EIF1AX: variants seen among roughly 807,000 people sequenced by gnomAD.
EIF1AX encodes eukaryotic translation initiation factor 1A X-linked.
Under a neutral mutation model 16.1 loss-of-function variants are expected in EIF1AX, and 1 was observed. That is an observed-to-expected ratio of 0.06 (90% CI 0.02 to 0.30). EIF1AX has a LOEUF of 0.30. Ranked by LOEUF, EIF1AX falls within the 10% of genes least tolerant of loss-of-function variation. The pLI is 1.00. For synonymous variants in EIF1AX, 32 were observed against 37.3 expected (o/e 0.86, Z 0.51); for missense variants, 11 against 109.1 (o/e 0.10, Z 4.00).
Position 20,138,627 on chromosome X carries a change from T to G in EIF1AX, c.17-5A>C. On this transcript the variant is annotated splice_polypyrimidine_tract_variant and splice_region_variant and intron_variant, in intron 1 of 6. Coordinates refer to ENST00000379607, the MANE Select transcript of EIF1AX (RefSeq NM_001412.4). ...GTCTGTTTTTACCTCCTTTACCTGA[T>G]GGTTTAAAAAAAAGAAAAGGAGGTA... 8.7e-7 allele frequency: 1 copy of G among 1,147,506 alleles called. No individual in the cohort carries two copies. Among genetic ancestry groups the G allele is most frequent in the Non-Finnish European group, 1.2e-6 (1 of 850,401 alleles). The allele number at this position is 1,147,506 out of a possible 1,213,427, so 94.6% of individuals were successfully genotyped here.
At chrX:20,141,346 G>A (rs1037692119) in intron 1 of EIF1AX, among the ~76,000 whole-genome samples, 1 of 111,851 alleles carries the variant, frequency 8.9e-6, no homozygotes, top group Non-Finnish European at 1.9e-5. Context: ...CCGAGCAGCG[G>A]TCAGTCTGGC....
chrX:20,128,207 C>A lies in EIF1AX; in HGVS notation c.*99G>T. ...CAAATCAGTCTGCTTTAACAAATTG[C>A]ATTCATGCTAATGAAATTTTAATCT... On this transcript the variant is annotated 3_prime_UTR_variant, in exon 7 of 7. Coordinates refer to ENST00000379607, the MANE Select transcript of EIF1AX (RefSeq NM_001412.4). 1 of 822,804 alleles carries A rather than the reference C, an allele frequency of 1.2e-6. No homozygotes were observed. The highest frequency in any genetic ancestry group is 1.7e-6 in the Non-Finnish European group (1 of 573,726). 67.8% of individuals were successfully genotyped at this position (822,804 alleles called of 1,213,427 possible). A position where few individuals can be genotyped will look rare whatever the true frequency, so the allele number is the denominator to read the frequency against.
rs1265044039 is a variant in EIF1AX at position 20,127,722 on chromosome X, A to G, written c.*584T>C. ...AGGTTCTGAAAACGGCATTTTGGAA[A>G]TCTTTTTTTTTTTTTTTATGTTTAC... On this transcript the variant is annotated 3_prime_UTR_variant, in exon 7 of 7. Coordinates refer to ENST00000379607, the MANE Select transcript of EIF1AX (RefSeq NM_001412.4). 1 of 156,168 alleles carries G rather than the reference A, an allele frequency of 6.4e-6. No homozygotes were observed. Among genetic ancestry groups the G allele is most frequent in the Non-Finnish European group, 1.3e-5 (1 of 79,563 alleles). 12.9% of individuals were successfully genotyped at this position (156,168 alleles called of 1,213,427 possible).
chrX:20,136,340 C>T (rs73447109), intron 2 of EIF1AX: 9,548 of 349,952 alleles, frequency 0.027, 198 homozygotes, highest in African/African-American at 0.1. Context: ...TCAGGTAGAC[C>T]GGAAAGCCTT....
intron 1 of EIF1AX, among the ~76,000 whole-genome samples, chrX:20,139,652 T>C (rs1195155650): frequency 9.0e-6 from 1 of 110,647 alleles, no homozygotes; most frequent in Non-Finnish European, 1.9e-5. Flanking sequence ...CCTAAGAGAC[T>C]CATGGGAAGA....
At chrX:20,141,356 C>A (rs2067033517) in intron 1 of EIF1AX, among the ~76,000 whole-genome samples, 1 of 111,767 alleles carries the variant, frequency 8.9e-6, no homozygotes. Flanking sequence ...GTCAGTCTGG[C>A]GCGAATCAGG....
chrX:20,141,819 G>C lies in EIF1AX; in HGVS notation c.-179C>G, dbSNP rs1266328582. On this transcript the variant is annotated 5_prime_UTR_variant, in exon 1 of 7. Transcript: ENST00000379607. ...TCTTCAGAGATCCGCCTGCGTCCAC[G>C]CTCGGCGGCAGCAAATGGCGCCGCG... The C allele has an allele frequency of 2.3e-6, 1 of 440,003 alleles. No individual in the cohort carries two copies. Among genetic ancestry groups the C allele is most frequent in the Admixed American group, 5.2e-5 (1 of 19,285 alleles). The allele number at this position is 440,003 out of a possible 1,213,427, so 36.3% of individuals were successfully genotyped here.
At position 20,135,795 on chromosome X, in the gene EIF1AX, T is replaced by G. The variant is rs141026404; in HGVS notation, c.147A>C (p.Ala49=). The change falls in exon 3 of 7, where the codon GCA becomes GCC. Residue 49 remains alanine (A), a synonymous_variant. Coordinates refer to ENST00000379607, the MANE Select transcript of EIF1AX (RefSeq NM_001412.4). ...ACCTCTTTACACCATCGAAACACAT[T>G]GCTTCTAGCCGTCCATTTCCCAACA... ...IKMLGNGRLE[A]MCFDGVKRLC... is the part of the protein sequence containing the mutation. 7.6e-4 allele frequency: 917 copies of G among 1,207,679 alleles called. 2 individuals are homozygous for G. Among genetic ancestry groups the G allele is most frequent in the Non-Finnish European group, 1.0e-3 (892 of 893,121 alleles).
At position 20,130,498 on chromosome X, in the gene EIF1AX, C is replaced by T. The variant is rs2066998254; in HGVS notation, c.429+18G>A. On this transcript the variant is annotated intron_variant, in intron 6 of 6. Transcript: ENST00000379607. Reference sequence around the variant, plus strand: ...GGATAATAACAAAAATTGGAAAACACAAGGTACATCTACTTACGTCATCAA... The same window carrying T: ...GGATAATAACAAAAATTGGAAAACATAAGGTACATCTACTTACGTCATCAA... 8.5e-7 allele frequency: 1 copy of T among 1,171,516 alleles called. No individual in the cohort carries two copies. Among genetic ancestry groups the T allele is most frequent in the African/African-American group, 1.8e-5 (1 of 55,522 alleles).
At chrX:20,139,251 C>T (rs1387262756) in intron 1 of EIF1AX, among the ~76,000 whole-genome samples, 1 of 111,839 alleles carries the variant, frequency 8.9e-6, no homozygotes, top group African/African-American at 3.3e-5. Context: ...CTGTTCGGTA[C>T]CCAATTTACT....
intron 1 of EIF1AX, chrX:20,140,183 C>T (rs1198727156): frequency 8.9e-6 from 1 of 111,868 alleles, no homozygotes; most frequent in Non-Finnish European, 1.9e-5. Context: ...AAGTCCTATC[C>T]CCTTGGAACC....
At chrX:20,130,957 C>G (rs768431845) in intron 5 of EIF1AX, among the ~76,000 whole-genome samples, 29 of 112,179 alleles carry the variant, frequency 2.6e-4, no homozygotes, top group African/African-American at 8.7e-4. Flanking sequence ...CTGGTCAAAT[C>G]ATGATTACCC....
rs141385249 is a variant in EIF1AX, at chrX:20,125,375, A to C, written c.*2931T>G. 135 of 171,658 alleles carry C rather than the reference A, an allele frequency of 7.9e-4. No individual in the cohort carries two copies. Among genetic ancestry groups the C allele is most frequent in the Admixed American group, 1.3e-3 (17 of 12,685 alleles). 14.1% of individuals were successfully genotyped at this position (171,658 alleles called of 1,213,427 possible). A position where few individuals can be genotyped will look rare whatever the true frequency, so the allele number is the denominator to read the frequency against. On this transcript the variant is annotated 3_prime_UTR_variant, in exon 7 of 7. Coordinates refer to ENST00000379607, the MANE Select transcript of EIF1AX (RefSeq NM_001412.4). ...AGGAAGAAAAAAAGCAAAGATAAAAAGGATGGTAGTTTAGGGTAAACCAAA... is the reference window on the plus strand; with the variant it reads ...AGGAAGAAAAAAAGCAAAGATAAAACGGATGGTAGTTTAGGGTAAACCAAA...
chrX:20,135,323 G>A (rs183806077), intron 3 of EIF1AX, among the ~76,000 whole-genome samples: 34 of 110,744 alleles, frequency 3.1e-4, no homozygotes, highest in African/African-American at 1.1e-3. Flanking sequence ...GCACAGGCCT[G>A]TAGCCCCTGC....
intron 2 of EIF1AX, 188 bp from the exon 3 acceptor site, chrX:20,136,029 ACT>A: frequency 2.5e-6 from 1 of 404,550 alleles, no homozygotes; most frequent in Non-Finnish European, 4.4e-6. Flanking sequence ...TAGAACTAAG[ACT>A]CTATGATGAC....
intron 2 of EIF1AX, chrX:20,136,375 C>G: frequency 3.1e-6 from 1 of 327,397 alleles, no homozygotes; most frequent in Non-Finnish European, 5.9e-6. Context: ...TGGCTAGTTT[C>G]ATCATTGATC....
At chrX:20,134,081 T>C in intron 3 of EIF1AX, 74 bp from the exon 4 acceptor site, 1 of 1,061,317 alleles carries the variant, frequency 9.4e-7, no homozygotes. Flanking sequence ...AACAATCAAT[T>C]AGTTTAGAAA....
chrX:20,133,188 G>A (rs2067006004), intron 4 of EIF1AX, among the ~76,000 whole-genome samples: 1 of 111,493 alleles, frequency 9.0e-6, no homozygotes, highest in Non-Finnish European at 1.9e-5. Flanking sequence ...CTTATCTATC[G>A]AACAGGAAAT....
chrX:20,133,065 A>G (rs1394634944), intron 4 of EIF1AX, among the ~76,000 whole-genome samples: 1 of 111,581 alleles, frequency 9.0e-6, no homozygotes, highest in Non-Finnish European at 1.9e-5. Flanking sequence ...CGAGCCATTG[A>G]CCACCCTGTA....
Sources: allele counts gnomAD v4.1 joint callset (sites outside exome capture counted in the v4.1 genomes callset), GRCh38; gene constraint gnomAD v4.1.1; transcripts MANE v1.5; gene names NCBI Gene and HGNC (gene_info 2026-07-23, HGNC 2026-07-21).